The following DNM3 variants were observed in gnomAD, a reference collection of about 807,000 sequenced individuals.
The protein encoded by DNM3 is dynamin 3.
Under a neutral mutation model 101.6 loss-of-function variants are expected in DNM3, and 47 were observed. The ratio of observed to expected loss-of-function variants is 0.46; its 90% confidence interval spans 0.37 to 0.59. DNM3 has a LOEUF of 0.59. Ranked by LOEUF, DNM3 falls within the 20% of genes least tolerant of loss-of-function variation. DNM3 has a pLI of 0.00. For missense variants in DNM3, 849 were observed against 1,085.7 expected (o/e 0.78, Z 3.06); for synonymous variants, 385 against 387.9 (o/e 0.99, Z 0.09).
At chr1:172,390,593 G>A (rs1367547205) in intron 20 of DNM3, among the ~76,000 whole-genome samples, 4 of 152,176 alleles carry the variant, frequency 2.6e-5, no homozygotes, top group Admixed American at 2.6e-4. Flanking sequence ...TGTCCCTTAG[G>A]GGAGTAAAAT....
chr1:172,277,603 C>T (rs2063337670), intron 15 of DNM3, among the ~76,000 whole-genome samples: 1 of 151,760 alleles, frequency 6.6e-6, no homozygotes, highest in Non-Finnish European at 1.5e-5. Flanking sequence ...TAACCTAACA[C>T]ATTATATATT....
At chr1:172,084,660 C>T (rs1006518108) in intron 12 of DNM3, among the ~76,000 whole-genome samples, 1 of 152,060 alleles carries the variant, frequency 6.6e-6, no homozygotes, top group Non-Finnish European at 1.5e-5. Context: ...GGCAAGAATG[C>T]TGTTTCCATC....
intron 1 of DNM3, among the ~76,000 whole-genome samples, chr1:171,846,951 G>A (rs568224018): frequency 3.6e-4 from 55 of 152,266 alleles, no homozygotes; most frequent in South Asian, 3.3e-3. Context: ...GTCAATAGGG[G>A]AGAAAATTCA....
At chr1:172,160,223 T>C (rs114873543) in intron 14 of DNM3, among the ~76,000 whole-genome samples, 3,928 of 152,174 alleles carry the variant, frequency 0.026, 200 homozygotes, top group African/African-American at 0.089. Context: ...ACTGTACACT[T>C]GGGCTACTCT....
intron 14 of DNM3, chr1:172,144,695 G>A (rs1376701685): frequency 2.2e-5 from 11 of 498,010 alleles, no homozygotes; most frequent in Middle Eastern, 6.1e-4. Flanking sequence ...CTCCCTTCCT[G>A]CACCAGGGGT....
intron 15 of DNM3, among the ~76,000 whole-genome samples, chr1:172,263,347 C>T (rs780983111): frequency 2.6e-5 from 4 of 152,132 alleles, no homozygotes; most frequent in African/African-American, 7.2e-5. Context: ...CCAAAGTATC[C>T]GTTCCAAAGT....
At chr1:172,226,932 G>C (rs1411971085) in intron 14 of DNM3, among the ~76,000 whole-genome samples, 3 of 151,736 alleles carry the variant, frequency 2.0e-5, no homozygotes, top group East Asian at 1.9e-4. Context: ...AATAGCTCTG[G>C]GGGGAGGTAC....
intron 13 of DNM3, among the ~76,000 whole-genome samples, chr1:172,101,513 G>T (rs563162070): frequency 6.6e-6 from 1 of 152,116 alleles, no homozygotes; most frequent in African/African-American, 2.4e-5. Flanking sequence ...GTTTCATAAG[G>T]TTTTTGTATT....
At chr1:172,235,374 C>T (rs898084602) in intron 14 of DNM3, among the ~76,000 whole-genome samples, 27 of 151,988 alleles carry the variant, frequency 1.8e-4, no homozygotes, top group Admixed American at 1.7e-3. Context: ...TGTGGAGAAA[C>T]AGGAACACTT....
chr1:172,306,655 C>T (rs959351907), intron 15 of DNM3, among the ~76,000 whole-genome samples: 31 of 152,182 alleles, frequency 2.0e-4, no homozygotes, highest in African/African-American at 7.2e-4. Flanking sequence ...GTAAGCAAAA[C>T]AGCATGGTAC....
intron 15 of DNM3, among the ~76,000 whole-genome samples, chr1:172,299,455 G>C (rs1316644440): frequency 6.6e-6 from 1 of 152,186 alleles, no homozygotes; most frequent in Non-Finnish European, 1.5e-5. Context: ...ACATGACGCT[G>C]AGGTTTGGTG....
intron 15 of DNM3, among the ~76,000 whole-genome samples, chr1:172,277,206 T>C (rs1251026215): frequency 1.3e-5 from 2 of 152,066 alleles, no homozygotes; most frequent in African/African-American, 2.4e-5. Flanking sequence ...AGATTTCTCA[T>C]GATCCTAATT....
intron 2 of DNM3, among the ~76,000 whole-genome samples, chr1:171,958,488 C>G (rs762505401): frequency 2.6e-5 from 4 of 152,168 alleles, no homozygotes; most frequent in Non-Finnish European, 4.4e-5. Flanking sequence ...GTGAGAAACA[C>G]TGTGAGGTTG....
intron 2 of DNM3, among the ~76,000 whole-genome samples, chr1:171,976,061 A>G (rs930053674): frequency 3.3e-5 from 5 of 149,844 alleles, no homozygotes; most frequent in African/African-American, 1.2e-4. Context: ...GGATGGATTC[A>G]AAAAATGGAT....
rs545913728 is a variant in DNM3 at position 172,362,386 on chromosome 1, A to C, written c.1894-16632A>C. Among the ~76,000 whole-genome samples, 7 of 152,088 alleles carry C rather than the reference A, an allele frequency of 4.6e-5. No individual in the cohort carries two copies. The East Asian group carries it at 1.4e-3, about 30-fold the overall frequency. On this transcript the variant is annotated intron_variant, in intron 17 of 20. Transcript: ENST00000627582. ...AAATATCAGGCAAAAGGGCATTCAG[A>C]TTCAAAGGGGCAACATGGCTAAAGG...
chr1:172,049,310 G>A (rs192937889), intron 10 of DNM3, among the ~76,000 whole-genome samples: 17 of 152,106 alleles, frequency 1.1e-4, no homozygotes, highest in Admixed American at 3.3e-4. Flanking sequence ...GTGAAATGAG[G>A]ATGATGATGA....
intron 4 of DNM3, among the ~76,000 whole-genome samples, chr1:171,992,666 C>T (rs559306702): frequency 4.4e-4 from 67 of 152,092 alleles, no homozygotes; most frequent in Non-Finnish European, 7.5e-4. Context: ...GTTTTTATAT[C>T]CTATATATGG....
intron 14 of DNM3, among the ~76,000 whole-genome samples, chr1:172,155,784 A>G (rs1437846057): frequency 6.6e-6 from 1 of 152,128 alleles, no homozygotes; most frequent in African/African-American, 2.4e-5. Flanking sequence ...AGGGGCAAAA[A>G]CAATTGTTAA....
At chr1:171,997,567 G>T (rs1030811405) in intron 4 of DNM3, among the ~76,000 whole-genome samples, 1 of 152,052 alleles carries the variant, frequency 6.6e-6, no homozygotes, top group East Asian at 1.9e-4. Context: ...TTATTTATTG[G>T]CACCCCAGAT....
Sources: gnomAD v4.1 joint callset for allele counts (sites outside exome capture counted in the v4.1 genomes callset) on GRCh38, gnomAD v4.1.1 for gene constraint, MANE v1.5 for transcripts, NCBI Gene and HGNC (gene_info 2026-07-23, HGNC 2026-07-21) for gene names.